GNA15: variants seen among roughly 807,000 people sequenced by gnomAD.
The protein encoded by GNA15 is G protein subunit alpha 15, also known as guanine nucleotide-binding protein subunit alpha-15.
GNA15 carries 23 observed loss-of-function variants against 40.1 expected under a neutral mutation model. That is an observed-to-expected ratio of 0.57 (90% CI 0.41 to 0.81). The LOEUF (loss-of-function observed/expected upper bound fraction) is 0.81. Ranked by LOEUF, GNA15 falls within the 40% of genes least tolerant of loss-of-function variation. GNA15 has a pLI of 0.00. For missense variants in GNA15, 522 were observed against 515.8 expected (o/e 1.01, Z -0.12); for synonymous variants, 226 against 210.4 (o/e 1.07, Z -0.64).
Position 3,155,697 on chromosome 19 carries a change from G to A in GNA15, c.615-126G>A. The stretch of plus-strand genomic sequence containing the variant: ...CGCGGGAATGACATGGCAAATCCAC[G>A]AGAGGCTAGCACCTATTCTTGCTGT... On this transcript the variant is annotated intron_variant, in intron 4 of 6. Transcript: ENST00000262958. The surrounding 1 kb of genome is among the most constrained non-coding windows in gnomAD (Gnocchi z 5.6). 1 of 1,101,350 alleles carries A rather than the reference G, an allele frequency of 9.1e-7. No homozygotes were observed. The highest frequency in any genetic ancestry group is 1.3e-6 in the Non-Finnish European group (1 of 770,358). The allele number at this position is 1,101,350 out of a possible 1,614,324, so 68.2% of individuals were successfully genotyped here. A position where few individuals can be genotyped will look rare whatever the true frequency, so the allele number is the denominator to read the frequency against.
chr19:3,147,002 C>T (rs938222004), intron 1 of GNA15, among the ~76,000 whole-genome samples: 3 of 152,102 alleles, frequency 2.0e-5, no homozygotes, highest in African/African-American at 7.2e-5. Flanking sequence ...GGCCTTTGCA[C>T]AAGCTGTTAC....
chr19:3,149,660 G>A (rs951943921), intron 2 of GNA15: 1 of 161,676 alleles, frequency 6.2e-6, no homozygotes, highest in Non-Finnish European at 1.4e-5. Context: ...GCGAGTGCCT[G>A]GGGGGAGCTA....
chr19:3,161,554 A>G (rs1915139213), intron 6 of GNA15, among the ~76,000 whole-genome samples: 1 of 152,184 alleles, frequency 6.6e-6, no homozygotes, highest in Non-Finnish European at 1.5e-5. Flanking sequence ...AAGTTGTTCC[A>G]GGATGGTGGC....
At chr19:3,143,218 CTG>C (rs1431732827) in intron 1 of GNA15, 1 of 152,182 alleles carries the variant, frequency 6.6e-6, no homozygotes, top group African/African-American at 2.4e-5. Flanking sequence ...ATCATAGAAT[CTG>C]TGAGGATTAA....
intron 6 of GNA15, among the ~76,000 whole-genome samples, chr19:3,158,799 T>C (rs1915084775): frequency 6.6e-6 from 1 of 151,990 alleles, no homozygotes; most frequent in South Asian, 2.1e-4. Flanking sequence ...TTTTTAGTAG[T>C]TTCCTGTCCT....
At position 3,155,523 on chromosome 19, in the gene GNA15, G is replaced by A. The variant is rs538955665; in HGVS notation, c.615-300G>A. On this transcript the variant is annotated intron_variant, in intron 4 of 6. Transcript: ENST00000262958. The surrounding 1 kb of genome is among the most constrained non-coding windows in gnomAD (Gnocchi z 5.6). ...GCCGGGTCGCCCAGCCAGCACCAGGGCACATCTCAGATCTGTCCAACCTGC... is the reference window on the plus strand; with the variant it reads ...GCCGGGTCGCCCAGCCAGCACCAGGACACATCTCAGATCTGTCCAACCTGC... Among the ~76,000 whole-genome samples the A allele has an allele frequency of 1.1e-4, 16 of 152,288 alleles. No individual in the cohort carries two copies. Among genetic ancestry groups the A allele is most frequent in the Middle Eastern group, 3.4e-3 (1 of 294 alleles).
intron 1 of GNA15, among the ~76,000 whole-genome samples, chr19:3,140,793 C>T (rs1018057273): frequency 7.2e-5 from 11 of 152,148 alleles, no homozygotes; most frequent in African/African-American, 2.7e-4. Context: ...AGAACTTCCC[C>T]CAGACACTGT....
Position 3,150,287 on chromosome 19 carries a change from T to A in GNA15, c.485+2T>A, listed in dbSNP as rs769213055. The A allele has an allele frequency of 6.3e-7, 1 of 1,577,968 alleles. No individual in the cohort carries two copies. Among genetic ancestry groups the A allele is most frequent in the Non-Finnish European group, 8.6e-7 (1 of 1,162,028 alleles). On this transcript the variant is annotated splice_donor_variant, in intron 3 of 6. Transcript: ENST00000262958. LOFTEE classifies it high-confidence loss of function. ...CCACCTGCTCGATTCAGCCGTGTAG[T>A]GAGTCTGGGGTCTGCGGGGGATGGG...
At position 3,147,632 on chromosome 19, in the gene GNA15, C is replaced by T. The variant is rs372746675; in HGVS notation, c.146-959C>T. Among the ~76,000 whole-genome samples the T allele has an allele frequency of 2.6e-5, 4 of 151,328 alleles. No individual in the cohort carries two copies. In the South Asian group the frequency reaches 6.3e-4, roughly 24 times the overall value. The stretch of plus-strand genomic sequence containing the variant: ...ATTAAAAACACAAAAACTGGCCAGG[C>T]GCGGTGGCTCACGCTTGTAATCCCA... On this transcript the variant is annotated intron_variant, in intron 1 of 6. Transcript: ENST00000262958.
intron 6 of GNA15, among the ~76,000 whole-genome samples, chr19:3,160,711 G>A (rs62125875): frequency 0.17 from 26,127 of 152,072 alleles, 2,546 homozygotes; most frequent in Non-Finnish European, 0.22. Flanking sequence ...CCAAAGTTAA[G>A]GTATTGGCAA....
intron 5 of GNA15, among the ~76,000 whole-genome samples, chr19:3,156,228 A>ACGCACATACACC (rs374485880): frequency 6.6e-6 from 1 of 151,384 alleles, no homozygotes; most frequent in Admixed American, 6.6e-5. Flanking sequence ...GCACATACAC[A>ACGCACATACACC]ATGCATGCAC....
chr19:3,156,283 T>A (rs1408932994), intron 5 of GNA15, among the ~76,000 whole-genome samples: 2 of 148,454 alleles, frequency 1.3e-5, no homozygotes, highest in African/African-American at 2.5e-5. Context: ...CATACACACG[T>A]GCACACACGG....
chr19:3,141,572 T>C (rs137940916), intron 1 of GNA15: 7,028 of 152,216 alleles, frequency 0.046, 217 homozygotes, highest in Non-Finnish European at 0.064. Flanking sequence ...ATTTTTGTAT[T>C]TTTAGTAGAG....
intron 3 of GNA15, among the ~76,000 whole-genome samples, chr19:3,150,926 C>G (rs986604970): frequency 6.6e-6 from 1 of 150,544 alleles, no homozygotes; most frequent in African/African-American, 2.4e-5. Flanking sequence ...CAGGGAGACC[C>G]TATTTCCTGG....
In GNA15 at chr19:3,136,643, C is replaced by A. The variant is rs1637665; in HGVS notation, c.145+48C>A. The A allele has an allele frequency of 6.6e-7, 1 of 1,518,540 alleles. No homozygotes were observed. Among genetic ancestry groups the A allele is most frequent in the African/African-American group, 1.4e-5 (1 of 71,984 alleles). The allele number at this position is 1,518,540 out of a possible 1,614,324, so 94.1% of individuals were successfully genotyped here. ...GTGGGTGGTGGGCAGTGGGCGGTGG[C>A]CAGCCGGCAGGGGTGTCGGGGCAAG... On this transcript the variant is annotated intron_variant, in intron 1 of 6. Transcript: ENST00000262958. This position sits in a 1 kb window ranked among gnomAD's most constrained non-coding sequence, Gnocchi z 4.9.
intron 1 of GNA15, among the ~76,000 whole-genome samples, chr19:3,143,914 A>T (rs1036207144): frequency 6.6e-6 from 1 of 151,512 alleles, no homozygotes; most frequent in Admixed American, 6.6e-5. Flanking sequence ...AGGTCAGGAG[A>T]TCGAGACCAT....
In GNA15 at chr19:3,162,969, G is replaced by A; in HGVS notation, c.1075G>A (p.Val359Met). The A allele has an allele frequency of 1.2e-6, 2 of 1,614,014 alleles. No individual in the cohort carries two copies. The highest frequency in any genetic ancestry group is 1.7e-6 in the Non-Finnish European group (2 of 1,179,888). Residue 359 changes from valine to methionine, a missense_variant, in exon 7 of 7, where the codon GTG (valine) becomes ATG (methionine). Val to Met is a conservative substitution (Grantham distance 21). Transcript: ENST00000262958. Reference protein sequence around the residue: ...TQNIRKVFKDVRDSVLARYLD... With the variant: ...TQNIRKVFKDMRDSVLARYLD... ...GAACATCCGCAAGGTCTTCAAGGAC[G>A]TGCGGGACTCGGTGCTCGCCCGCTA...
chr19:3,145,336 A>AATATATATATATATATATATATATAT (rs1191752115), intron 1 of GNA15, among the ~76,000 whole-genome samples: 3 of 60,208 alleles, frequency 5.0e-5, no homozygotes, highest in East Asian at 4.6e-4. Context: ...CGTCTGACTA[A>AATATATATATATATATATATATATAT]ATATATATAT....
chr19:3,148,338 T>G (rs571036878), intron 1 of GNA15, among the ~76,000 whole-genome samples: 68 of 152,284 alleles, frequency 4.5e-4, no homozygotes, highest in African/African-American at 1.6e-3. Context: ...TCCGCCTGCC[T>G]CAGCCTCCCA....
Sources: allele counts gnomAD v4.1 joint callset (sites outside exome capture counted in the v4.1 genomes callset), GRCh38; gene constraint gnomAD v4.1.1; non-coding constraint Gnocchi (gnomAD v3.1); transcripts MANE v1.5; gene names NCBI Gene and HGNC (gene_info 2026-07-23, HGNC 2026-07-21).